Variants in UNC45A observed in about 807,000 individuals in gnomAD.
The protein encoded by UNC45A is protein unc-45 homolog A.
Under a neutral mutation model 103.2 loss-of-function variants are expected in UNC45A, and 78 were observed. The ratio of observed to expected loss-of-function variants is 0.76; its 90% confidence interval spans 0.63 to 0.91. The LOEUF is 0.91. Ranked by LOEUF, UNC45A falls within the 40% of genes least tolerant of loss-of-function variation. UNC45A has a pLI of 0.00. For missense variants in UNC45A, 1,193 were observed against 1,224.8 expected, an observed-to-expected ratio of 0.97 and a Z score of 0.39; for synonymous variants, 495 against 504.6, an observed-to-expected ratio of 0.98 and a Z score of 0.25.
rs2036580420 is a variant in UNC45A, at chr15:90,946,595, G to A, written c.1200-19G>A. The A allele has an allele frequency of 1.3e-6, 2 of 1,583,374 alleles. No individual in the cohort carries two copies. The highest frequency in any genetic ancestry group is 2.3e-5 in the East Asian group (1 of 44,256). Reference sequence around the variant, plus strand: ...TTATGTTGGCCTTGGTGTGACGGCTGTCACCCTGTGCCCCTCAGGAGCTGG... The same window carrying A: ...TTATGTTGGCCTTGGTGTGACGGCTATCACCCTGTGCCCCTCAGGAGCTGG... On this transcript the variant is annotated intron_variant, in intron 9 of 19. Transcript: ENST00000418476.
At chr15:90,935,754 C>T in intron 2 of UNC45A, 49 bp downstream of exon 2, 16 of 1,520,598 alleles carry the variant, frequency 1.1e-5, no homozygotes, top group Non-Finnish European at 1.3e-5. Context: ...CCCCGGTTCG[C>T]CCATCTAAGC....
At position 90,950,497 on chromosome 15, in the gene UNC45A, C is replaced by T. The variant is rs1249707935; in HGVS notation, c.2188-3C>T. 6.2e-7 allele frequency: 1 copy of T among 1,613,740 alleles called. No homozygotes were observed. The highest frequency in any genetic ancestry group is 8.5e-7 in the Non-Finnish European group (1 of 1,179,876). Reference sequence around the variant, plus strand: ...CCCCTGACAGGTGGGGTGCACATTGCAGATCTATGAGGTGGTCCGGCCCCT... The same window carrying T: ...CCCCTGACAGGTGGGGTGCACATTGTAGATCTATGAGGTGGTCCGGCCCCT... On this transcript the variant is annotated splice_polypyrimidine_tract_variant and splice_region_variant and intron_variant, in intron 16 of 19. Coordinates refer to ENST00000418476, the MANE Select transcript of UNC45A (RefSeq NM_018671.5).
At chr15:90,944,612 C>T (rs2036469588) in intron 8 of UNC45A, among the ~76,000 whole-genome samples, 1 of 152,170 alleles carries the variant, frequency 6.6e-6, no homozygotes, top group Non-Finnish European at 1.5e-5. Context: ...TTCTTTTCCC[C>T]TTAGTTTTAC....
intron 17 of UNC45A, chr15:90,952,397 A>T (rs1380200380): frequency 6.5e-6 from 1 of 154,552 alleles, no homozygotes; most frequent in Non-Finnish European, 1.4e-5. Context: ...AGTAGGAGCA[A>T]GAGACAGTCG....
intron 8 of UNC45A, 85 bp downstream of exon 8, chr15:90,943,167 C>T (rs907915801): frequency 1.4e-6 from 2 of 1,472,674 alleles, no homozygotes; most frequent in African/African-American, 2.8e-5. Flanking sequence ...GTGAGTGGGG[C>T]CAGGCATGGT....
intron 19 of UNC45A, 48 bp downstream of exon 19, chr15:90,953,358 C>G: frequency 6.3e-7 from 1 of 1,592,968 alleles, no homozygotes; most frequent in Non-Finnish European, 8.5e-7. Flanking sequence ...CAGGAACTCC[C>G]AGCAGCAGCT....
At chr15:90,951,777 G>C (rs1250087588) in intron 17 of UNC45A, among the ~76,000 whole-genome samples, 2 of 152,066 alleles carry the variant, frequency 1.3e-5, no homozygotes, top group African/African-American at 4.8e-5. Flanking sequence ...AATTTGCAAG[G>C]TGTGGTGGCG....
intron 15 of UNC45A, 111 bp downstream of exon 15, chr15:90,949,831 A>G: frequency 1.7e-6 from 2 of 1,179,842 alleles, no homozygotes; most frequent in Non-Finnish European, 2.5e-6. Context: ...GAAAAACATT[A>G]ATGGCCAGAG....
Position 90,940,504 on chromosome 15 carries a change from T to G in UNC45A, c.687+31T>G, listed in dbSNP as rs201901824. Reference sequence around the variant, plus strand: ...TGGAGTGGAGAGGCTGGTTACAGCTTCAGTCCCTTTGTCTGTCTGTCCATC... The same window carrying G: ...TGGAGTGGAGAGGCTGGTTACAGCTGCAGTCCCTTTGTCTGTCTGTCCATC... On this transcript the variant is annotated intron_variant, in intron 6 of 19. Coordinates refer to ENST00000418476, the MANE Select transcript of UNC45A (RefSeq NM_018671.5). 1,034 of 1,591,952 alleles carry G rather than the reference T, an allele frequency of 6.5e-4. 10 individuals are homozygous for G. Among genetic ancestry groups the G allele is most frequent in the Non-Finnish European group, 4.9e-5 (57 of 1,165,862 alleles).
At chr15:90,940,234 G>A in intron 5 of UNC45A, 72 bp from the exon 6 acceptor site, 4 of 1,517,876 alleles carry the variant, frequency 2.6e-6, no homozygotes, top group Non-Finnish European at 3.5e-6. Flanking sequence ...AGGGCTCGGG[G>A]CCCCTGCTCA....
intron 8 of UNC45A, among the ~76,000 whole-genome samples, chr15:90,943,426 C>CAAA (rs71154147): frequency 9.4e-5 from 7 of 74,540 alleles, no homozygotes; most frequent in South Asian, 4.1e-4. Context: ...GAGACTGTCT[C>CAAA]AAAAAAAAAA....
chr15:90,943,033 G>T lies in UNC45A; in HGVS notation c.978G>T (p.Lys326Asn), dbSNP rs1196554322. The T allele has an allele frequency of 6.8e-6, 11 of 1,614,178 alleles. No homozygotes were observed. The highest frequency in any genetic ancestry group is 8.5e-6 in the Non-Finnish European group (10 of 1,180,016). ...TCCTGATTAAAGCGGTGCCCCGGAA[G>T]TCTCTCAAGGACCCCAACAACAGCC... ...LTLLIKAVPR[K>N]SLKDPNNSLT... The change falls in exon 8 of 20, where the codon AAG becomes AAT. Residue 326 changes from lysine (K) to asparagine (N), a missense_variant. Lys to Asn is a moderately conservative substitution (Grantham distance 94). Transcript: ENST00000418476.
Position 90,945,073 on chromosome 15 carries a change from T to C in UNC45A, c.1199+10T>C, listed in dbSNP as rs2036495885. 1 of 1,610,162 alleles carries C rather than the reference T, an allele frequency of 6.2e-7. No homozygotes were observed. Among genetic ancestry groups the C allele is most frequent in the South Asian group, 1.1e-5 (1 of 90,884 alleles). On this transcript the variant is annotated intron_variant, in intron 9 of 19. Transcript: ENST00000418476. ...GTGAAAACTACATCAAGTAAGGAAG[T>C]CTGTTTCACCTCCCGTTGCCAGGGA...
At chr15:90,950,987 T>A (rs1299155792) in intron 17 of UNC45A, among the ~76,000 whole-genome samples, 2 of 151,744 alleles carry the variant, frequency 1.3e-5, no homozygotes, top group East Asian at 3.8e-4. Context: ...GCCCCTAGCA[T>A]TGTGCCATAT....
Position 90,943,051 on chromosome 15 carries a change from C to A in UNC45A, c.996C>A (p.Asn332Lys). ...CCCGGAAGTCTCTCAAGGACCCCAA[C>A]AACAGCCTCACCCTCTGGGTCATCG... is the stretch of plus-strand genomic sequence containing the variant. ...AVPRKSLKDPNNSLTLWVIDQ... is the reference protein window; with the variant it reads ...AVPRKSLKDPKNSLTLWVIDQ... The change falls in exon 8 of 20, where the codon AAC becomes AAA. Residue 332 changes from asparagine (N) to lysine (K), a missense_variant. Transcript: ENST00000418476. The A allele has an allele frequency of 6.2e-7, 1 of 1,614,010 alleles. No homozygotes were observed. Among genetic ancestry groups the A allele is most frequent in the Non-Finnish European group, 8.5e-7 (1 of 1,179,894 alleles).
At chr15:90,942,303 G>A in intron 6 of UNC45A, 134 bp from the exon 7 acceptor site, 11 of 1,035,574 alleles carry the variant, frequency 1.1e-5, no homozygotes, top group Non-Finnish European at 1.5e-5. Context: ...TCCATTCTGT[G>A]TTGTTTTCAC....
At chr15:90,952,690 G>T in intron 17 of UNC45A, 1 of 508,504 alleles carries the variant, frequency 2.0e-6, no homozygotes, top group Non-Finnish European at 3.6e-6. Flanking sequence ...CTTCCAGAGT[G>T]CTGGGATTAC....
chr15:90,946,630 C>G lies in UNC45A; in HGVS notation c.1216C>G (p.Gln406Glu), dbSNP rs748639136. The G allele has an allele frequency of 6.2e-7, 1 of 1,606,794 alleles. No individual in the cohort carries two copies. The highest frequency in any genetic ancestry group is 1.1e-5 in the South Asian group (1 of 90,524). ...ENYIKSWFEG[Q>E]GLAGKLRAIQ... ...GCCCCTCAGGAGCTGGTTTGAGGGC[C>G]AAGGGCTGGCCGGGAAGCTACGGGC... The change falls in exon 10 of 20, where the codon CAA becomes GAA. Residue 406 changes from glutamine to glutamate, a missense_variant. Gln to Glu is a conservative substitution (Grantham distance 29). Coordinates refer to ENST00000418476, the MANE Select transcript of UNC45A (RefSeq NM_018671.5).
intron 4 of UNC45A, 111 bp from the exon 5 acceptor site, chr15:90,939,619 TG>T: frequency 8.7e-7 from 1 of 1,147,842 alleles, no homozygotes; most frequent in Non-Finnish European, 1.3e-6. Flanking sequence ...GCCCTGAGCC[TG>T]GACATCTTTA....
Sources: allele counts gnomAD v4.1 joint callset (sites outside exome capture counted in the v4.1 genomes callset), GRCh38; gene constraint gnomAD v4.1.1; transcripts MANE v1.5; gene names NCBI Gene and HGNC (gene_info 2026-07-23, HGNC 2026-07-21).